C8orf34: variants seen among roughly 807,000 people sequenced by gnomAD.
The protein encoded by C8orf34 is uncharacterized protein C8orf34.
In C8orf34, 65 loss-of-function variants were observed where a neutral mutation model predicts 68.3. The observed-to-expected ratio is 0.95, with a 90% CI of 0.78 to 1.17. C8orf34 has a LOEUF of 1.17. C8orf34 is among the 50% of genes most tolerant of loss of function. The pLI, the probability that C8orf34 is intolerant of heterozygous loss-of-function variation, is 0.00. For synonymous variants in C8orf34, 244 were observed against 241.2 expected (o/e 1.01, Z -0.11); for missense variants, 664 against 655.4 (o/e 1.01, Z -0.14).
chr8:68,343,697 G>A lies in C8orf34; in HGVS notation c.327+12358G>A, dbSNP rs191043229. Reference sequence around the variant, plus strand: ...CAACCTCTGCCTCCTGGGTTCAAACGATCCTTCTGCCTCAGCCTCACGAGT... The same window carrying A: ...CAACCTCTGCCTCCTGGGTTCAAACAATCCTTCTGCCTCAGCCTCACGAGT... On this transcript the variant is annotated intron_variant, in intron 1 of 13. Coordinates refer to ENST00000518698, the MANE Select transcript of C8orf34 (RefSeq NM_052958.4). Among the ~76,000 whole-genome samples the A allele has an allele frequency of 9.6e-4, 146 of 151,574 alleles. 2 individuals are homozygous for A. Among genetic ancestry groups the A allele is most frequent in the African/African-American group, 3.2e-3 (132 of 41,282 alleles).
chr8:68,331,559 G>A (rs1420333094), intron 1 of C8orf34: 7 of 591,612 alleles, frequency 1.2e-5, no homozygotes, highest in Non-Finnish European at 2.2e-5. Context: ...AACGCGGACA[G>A]GTGAGCTCGG....
chr8:68,379,696 A>G (rs186925003), intron 1 of C8orf34, among the ~76,000 whole-genome samples: 2 of 152,340 alleles, frequency 1.3e-5, no homozygotes, highest in East Asian at 3.9e-4. Context: ...GCAAACGTGT[A>G]CAAAAAGCTC....
At chr8:68,807,382 A>G (rs957442540) in intron 12 of C8orf34, among the ~76,000 whole-genome samples, 2 of 152,200 alleles carry the variant, frequency 1.3e-5, no homozygotes, top group African/African-American at 2.4e-5. Context: ...TTTAACTCTG[A>G]GTATAATTCT....
chr8:68,709,238 G>A (rs113325583), intron 9 of C8orf34, among the ~76,000 whole-genome samples, 159 bp downstream of exon 9: 1 of 152,174 alleles, frequency 6.6e-6, no homozygotes, highest in African/African-American at 2.4e-5. Flanking sequence ...GGCTGTTTGT[G>A]TCAGGATAAG....
intron 1 of C8orf34, among the ~76,000 whole-genome samples, chr8:68,337,168 C>A (rs974617066): frequency 1.3e-5 from 2 of 152,120 alleles, no homozygotes; most frequent in Admixed American, 6.5e-5. Context: ...GTTACATAAT[C>A]TCTAAGTATC....
chr8:68,596,863 A>G (rs1035395475), intron 7 of C8orf34, among the ~76,000 whole-genome samples: 1 of 152,174 alleles, frequency 6.6e-6, no homozygotes, highest in African/African-American at 2.4e-5. Flanking sequence ...AAGGCTGACA[A>G]GGCATGCAGA....
At chr8:68,605,550 C>A (rs1817830188) in intron 7 of C8orf34, among the ~76,000 whole-genome samples, 2 of 151,948 alleles carry the variant, frequency 1.3e-5, no homozygotes, top group African/African-American at 4.8e-5. Context: ...AACTAGCAAG[C>A]CCTGAAAAGA....
intron 3 of C8orf34, among the ~76,000 whole-genome samples, chr8:68,463,286 G>T (rs1305955225): frequency 6.6e-6 from 1 of 152,106 alleles, no homozygotes; most frequent in Non-Finnish European, 1.5e-5. Context: ...CTCTGAAATT[G>T]TGGCAATAAT....
At chr8:68,795,015 T>A (rs1824137318) in intron 12 of C8orf34, among the ~76,000 whole-genome samples, 1 of 152,206 alleles carries the variant, frequency 6.6e-6, no homozygotes. Flanking sequence ...CTATTTTTAT[T>A]CTGTTCCTCA....
chr8:68,458,354 G>T (rs1442721661), intron 3 of C8orf34, among the ~76,000 whole-genome samples: 2 of 152,128 alleles, frequency 1.3e-5, no homozygotes, highest in African/African-American at 4.8e-5. Context: ...CCCATGTGGT[G>T]CATTCAGTGG....
chr8:68,781,834 C>A (rs1823687530), intron 11 of C8orf34, among the ~76,000 whole-genome samples: 1 of 152,148 alleles, frequency 6.6e-6, no homozygotes, highest in East Asian at 1.9e-4. Flanking sequence ...ACATATTTTA[C>A]CAAGCTAATG....
At chr8:68,463,054 A>G (rs1294210198) in intron 3 of C8orf34, among the ~76,000 whole-genome samples, 1 of 152,094 alleles carries the variant, frequency 6.6e-6, no homozygotes, top group East Asian at 1.9e-4. Flanking sequence ...CAAGACTAAT[A>G]AAGAAAAAAA....
chr8:68,476,547 A>C (rs574772402), intron 4 of C8orf34, among the ~76,000 whole-genome samples: 13 of 152,220 alleles, frequency 8.5e-5, no homozygotes, highest in Non-Finnish European at 4.4e-5. Flanking sequence ...ACCAGTTTGC[A>C]AACCAGTAAG....
chr8:68,597,780 G>A (rs1194229978), intron 7 of C8orf34, among the ~76,000 whole-genome samples: 2 of 152,134 alleles, frequency 1.3e-5, no homozygotes, highest in Middle Eastern at 3.2e-3. Flanking sequence ...CTAGGAAAGA[G>A]TAACTTTATT....
chr8:68,640,190 T>C (rs1352789176), intron 7 of C8orf34, among the ~76,000 whole-genome samples, 186 bp from the exon 8 acceptor site: 1 of 152,224 alleles, frequency 6.6e-6, no homozygotes, highest in African/African-American at 2.4e-5. Context: ...TCTTCACACA[T>C]AATTTGTCTC....
At chr8:68,541,706 G>C (rs1815708318) in intron 7 of C8orf34, among the ~76,000 whole-genome samples, 1 of 152,092 alleles carries the variant, frequency 6.6e-6, no homozygotes, top group Admixed American at 6.6e-5. Flanking sequence ...TGATAGTTAA[G>C]TCTTACTTCT....
chr8:68,514,964 CA>C (rs1277781790), intron 5 of C8orf34, among the ~76,000 whole-genome samples: 3 of 151,988 alleles, frequency 2.0e-5, no homozygotes, highest in Admixed American at 6.5e-5. Context: ...ACAAAATGAA[CA>C]GGGGGGAATG....
chr8:68,749,479 C>T (rs187225093), intron 10 of C8orf34, among the ~76,000 whole-genome samples: 104 of 152,080 alleles, frequency 6.8e-4, no homozygotes, highest in African/African-American at 2.3e-3. Flanking sequence ...AAAATTTACC[C>T]ATTTTAAGTA....
intron 12 of C8orf34, among the ~76,000 whole-genome samples, chr8:68,803,311 A>G (rs920775521): frequency 6.6e-6 from 1 of 152,106 alleles, no homozygotes; most frequent in Non-Finnish European, 1.5e-5. Context: ...CATCCCTACT[A>G]CATTGAGTTT....
Sources: allele counts gnomAD v4.1 joint callset (sites outside exome capture counted in the v4.1 genomes callset), GRCh38; gene constraint gnomAD v4.1.1; transcripts MANE v1.5; gene names NCBI Gene and HGNC (gene_info 2026-07-23, HGNC 2026-07-21).